Variants in RABGAP1L observed in about 807,000 individuals in gnomAD.
RABGAP1L encodes the protein RAB GTPase activating protein 1 like.
In RABGAP1L, 63 loss-of-function variants were observed where a neutral mutation model predicts 137.7. The observed-to-expected ratio is 0.46, with a 90% CI of 0.37 to 0.56. The LOEUF (loss-of-function observed/expected upper bound fraction) is 0.56. Ranked by LOEUF, RABGAP1L falls within the 20% of genes least tolerant of loss-of-function variation. The probability of loss-of-function intolerance (pLI) is 0.00; values close to 1 mark genes in which losing one functional copy is unlikely to be tolerated. For missense variants in RABGAP1L, 1,095 were observed against 1,244.0 expected (o/e 0.88, Z 1.80); for synonymous variants, 431 against 433.7 (o/e 0.99, Z 0.08).
intron 17 of RABGAP1L, among the ~76,000 whole-genome samples, chr1:174,751,625 G>A (rs549145753): frequency 6.6e-6 from 1 of 152,088 alleles, no homozygotes; most frequent in Admixed American, 6.5e-5. Context: ...AGAGCAATTG[G>A]GCAGAACCCA....
chr1:174,767,138 G>A (rs1685732486), intron 18 of RABGAP1L, among the ~76,000 whole-genome samples: 1 of 152,160 alleles, frequency 6.6e-6, no homozygotes, highest in South Asian at 2.1e-4. Context: ...GATGTCTCAT[G>A]TCTTCCTAAA....
chr1:174,778,666 C>T (rs1298491499), intron 18 of RABGAP1L, among the ~76,000 whole-genome samples: 2 of 152,028 alleles, frequency 1.3e-5, no homozygotes, highest in Non-Finnish European at 2.9e-5. Context: ...GTGATCTCAG[C>T]TCACTGCAAT....
At chr1:174,721,827 CTT>C (rs1003040415) in intron 17 of RABGAP1L, among the ~76,000 whole-genome samples, 7 of 152,294 alleles carry the variant, frequency 4.6e-5, no homozygotes, top group Admixed American at 6.5e-5. Context: ...CTGTAAGTCT[CTT>C]TTGAAAATCT....
intron 1 of RABGAP1L, among the ~76,000 whole-genome samples, chr1:174,188,082 G>C (rs1297910189): frequency 6.6e-6 from 1 of 152,098 alleles, no homozygotes; most frequent in Admixed American, 6.6e-5. Context: ...ATATAGCAGG[G>C]TATACTTTAT....
intron 13 of RABGAP1L, among the ~76,000 whole-genome samples, chr1:174,504,881 C>T (rs1355590418): frequency 6.6e-6 from 1 of 151,960 alleles, no homozygotes; most frequent in Non-Finnish European, 1.5e-5. Context: ...AGAATTGAAT[C>T]AAATGAAAAA....
chr1:174,464,781 C>G (rs1162634435), intron 13 of RABGAP1L, among the ~76,000 whole-genome samples: 1 of 150,258 alleles, frequency 6.7e-6, no homozygotes, highest in Admixed American at 6.6e-5. Flanking sequence ...TTTGCTTCTT[C>G]CATAGAAAGA....
chr1:174,279,356 GA>G (rs1408090372), intron 10 of RABGAP1L, among the ~76,000 whole-genome samples: 1 of 152,068 alleles, frequency 6.6e-6, no homozygotes, highest in Non-Finnish European at 1.5e-5. Context: ...AGATAATAAT[GA>G]AAAATAACTT....
At position 174,502,672 on chromosome 1, in the gene RABGAP1L, A is replaced by ATG. The variant is rs1558288990; in HGVS notation, c.1710+108528_1710+108529insGT. Among the ~76,000 whole-genome samples the ATG allele has an allele frequency of 8.7e-4, 129 of 147,782 alleles. 2 individuals are homozygous for ATG. Among genetic ancestry groups the ATG allele is most frequent in the African/African-American group, 3.2e-3 (126 of 39,886 alleles). ...TGTACATATATATGTGTGTGTGTAT[A>ATG]TATACATATATGTGTGTGTATATAT... On this transcript the variant is annotated intron_variant, in intron 13 of 25. Transcript: ENST00000681986.
chr1:174,902,623 G>A (rs1415158364), intron 19 of RABGAP1L, among the ~76,000 whole-genome samples: 2 of 152,258 alleles, frequency 1.3e-5, no homozygotes, highest in Non-Finnish European at 2.9e-5. Flanking sequence ...GGCCCTGTTG[G>A]CATGGTCTCA....
At chr1:174,619,935 C>T (rs115551638) in intron 13 of RABGAP1L, among the ~76,000 whole-genome samples, 3,572 of 151,956 alleles carry the variant, frequency 0.024, 65 homozygotes, top group Middle Eastern at 0.086. Context: ...CAATAAGGGA[C>T]GGAGGAAGAT....
At chr1:174,888,684 G>T (rs181732859) in intron 19 of RABGAP1L, among the ~76,000 whole-genome samples, 1 of 152,116 alleles carries the variant, frequency 6.6e-6, no homozygotes, top group African/African-American at 2.4e-5. Flanking sequence ...TTTTAGTAGA[G>T]ATGAGGTTTC....
At chr1:174,396,784 T>A (rs932502337) in intron 13 of RABGAP1L, among the ~76,000 whole-genome samples, 1 of 152,098 alleles carries the variant, frequency 6.6e-6, no homozygotes. Context: ...AGAAAATTTT[T>A]ATCATTTATA....
At chr1:174,169,216 T>TAA (rs2148220483) in intron 1 of RABGAP1L, among the ~76,000 whole-genome samples, 1 of 152,124 alleles carries the variant, frequency 6.6e-6, no homozygotes, top group East Asian at 1.9e-4. Flanking sequence ...CATTTGAAAA[T>TAA]ATAAAGGTGT....
At chr1:174,330,265 A>G (rs1428149245) in intron 11 of RABGAP1L, among the ~76,000 whole-genome samples, 1 of 151,982 alleles carries the variant, frequency 6.6e-6, no homozygotes, top group Non-Finnish European at 1.5e-5. Context: ...ATAGGAAACT[A>G]TTTGAAAAAT....
chr1:174,337,959 T>C (rs1158708567), intron 11 of RABGAP1L, among the ~76,000 whole-genome samples: 2 of 152,212 alleles, frequency 1.3e-5, no homozygotes, highest in Non-Finnish European at 2.9e-5. Context: ...AGTTAAGGAA[T>C]ACTGTGAAAC....
intron 13 of RABGAP1L, among the ~76,000 whole-genome samples, chr1:174,484,322 G>A (rs1007122895): frequency 1.3e-4 from 20 of 152,136 alleles, no homozygotes; most frequent in Non-Finnish European, 2.2e-4. Context: ...CAGATGGGTC[G>A]TTTGCAGATA....
At chr1:174,697,415 A>G (rs980508190) in intron 15 of RABGAP1L, among the ~76,000 whole-genome samples, 1 of 151,912 alleles carries the variant, frequency 6.6e-6, no homozygotes, top group African/African-American at 2.4e-5. Flanking sequence ...TCCACCTCCC[A>G]GGTCAAGCAG....
chr1:174,483,686 G>A (rs538314966), intron 13 of RABGAP1L, among the ~76,000 whole-genome samples: 1 of 152,068 alleles, frequency 6.6e-6, no homozygotes, highest in Admixed American at 6.6e-5. Context: ...AATTAGCCAG[G>A]CATTGTGGCA....
rs1387156211 is a variant in RABGAP1L, at chr1:174,994,811, T to TCTAA, written c.*4813_*4816dup. 1 of 152,258 alleles carries TCTAA rather than the reference T, an allele frequency of 6.6e-6. No individual in the cohort carries two copies. Among genetic ancestry groups the TCTAA allele is most frequent in the Non-Finnish European group, 1.5e-5 (1 of 68,046 alleles). The allele number at this position is 152,258 out of a possible 1,614,324, so 9.4% of individuals were successfully genotyped here. On this transcript the variant is annotated 3_prime_UTR_variant, in exon 26 of 26. Transcript: ENST00000681986. ...CTCAGTCAGCCCCACTTCCTTTCTT[T>TCTAA]CTAACTCCTACCTTTCCCTTGCAGA...
Sources: gnomAD v4.1 joint callset for allele counts (sites outside exome capture counted in the v4.1 genomes callset) on GRCh38, gnomAD v4.1.1 for gene constraint, MANE v1.5 for transcripts, NCBI Gene and HGNC (gene_info 2026-07-23, HGNC 2026-07-21) for gene names.